Variants in TPD52L2 observed in about 807,000 individuals in gnomAD.
TPD52L2 encodes TPD52 like 2, also known as tumor protein D54.
TPD52L2 carries 19 observed loss-of-function variants against 24.7 expected under a neutral mutation model. That is an observed-to-expected ratio of 0.77 (90% CI 0.54 to 1.13). The LOEUF is 1.13. TPD52L2 is among the 50% of genes most tolerant of loss of function. The pLI, the probability that TPD52L2 is intolerant of heterozygous loss-of-function variation, is 0.00. For missense variants in TPD52L2, 236 were observed against 250.4 expected, an observed-to-expected ratio of 0.94 and a Z score of 0.39; for synonymous variants, 104 against 100.2, an observed-to-expected ratio of 1.04 and a Z score of -0.23.
chr20:63,889,618 A>G (rs1352364334), intron 6 of TPD52L2, among the ~76,000 whole-genome samples: 1 of 152,136 alleles, frequency 6.6e-6, no homozygotes, highest in Non-Finnish European at 1.5e-5. Context: ...CAAGAATGTC[A>G]CGTAAATGGA....
Position 63,874,218 on chromosome 20 carries a change from A to ATTT in TPD52L2, c.314+411_314+413dup, listed in dbSNP as rs532097736. ...AGGCGCCTCCCACCGCGCCCGGCTG[A>ATTT]TTTTTTTTTTTGTGTGTGTGTGTGT... On this transcript the variant is annotated intron_variant, in intron 3 of 6. Coordinates refer to ENST00000346249, the MANE Select transcript of TPD52L2 (RefSeq NM_003288.4). 1.2e-4 allele frequency among the ~76,000 whole-genome samples: 16 copies of ATTT among 133,552 alleles called. 1 individual carries two copies. The highest frequency in any genetic ancestry group is 1.8e-4 in the Non-Finnish European group (11 of 62,648). The allele number at this position is 133,552 out of a possible 152,430, so 87.6% of individuals were successfully genotyped here. A position where few individuals can be genotyped will look rare whatever the true frequency, so the allele number is the denominator to read the frequency against.
chr20:63,881,810 C>G (rs962412580), intron 4 of TPD52L2, among the ~76,000 whole-genome samples: 1 of 152,198 alleles, frequency 6.6e-6, no homozygotes, highest in African/African-American at 2.4e-5. Context: ...TTTGTTATGT[C>G]AGAGTCTGCT....
intron 1 of TPD52L2, among the ~76,000 whole-genome samples, chr20:63,866,648 A>G (rs1482400969): frequency 1.3e-5 from 2 of 149,890 alleles, no homozygotes; most frequent in Non-Finnish European, 3.0e-5. Flanking sequence ...TCTTTAGTAG[A>G]GACGGGGTTT....
At chr20:63,866,354 C>G in intron 1 of TPD52L2, among the ~76,000 whole-genome samples, 1 of 152,202 alleles carries the variant, frequency 6.6e-6, no homozygotes. Context: ...CCGCCCGCCT[C>G]AGCCTCCCAA....
At position 63,890,018 on chromosome 20, in the gene TPD52L2, C is replaced by T. The variant is rs768981061; in HGVS notation, c.*73C>T. Reference sequence around the variant, plus strand: ...GCATCACAGCCGCAGCTCTGTTCAGCGGAGCAGCCAGCCAGGGCGGATGAG... The same window carrying T: ...GCATCACAGCCGCAGCTCTGTTCAGTGGAGCAGCCAGCCAGGGCGGATGAG... On this transcript the variant is annotated 3_prime_UTR_variant, in exon 7 of 7. Coordinates refer to ENST00000346249, the MANE Select transcript of TPD52L2 (RefSeq NM_003288.4). The T allele has an allele frequency of 1.6e-5, 26 of 1,598,082 alleles. No individual in the cohort carries two copies. In the Admixed American group the frequency reaches 1.9e-4, roughly 12 times the overall value.
chr20:63,883,773 T>C (rs1295529232), intron 5 of TPD52L2, among the ~76,000 whole-genome samples: 5 of 139,328 alleles, frequency 3.6e-5, no homozygotes, highest in South Asian at 5.3e-4. Context: ...TCTTCCCCTC[T>C]TGTGGCCCCT....
At position 63,877,524 on chromosome 20, in the gene TPD52L2, G is replaced by A. The variant is rs573232332; in HGVS notation, c.374+1649G>A. On this transcript the variant is annotated intron_variant, in intron 4 of 6. Coordinates refer to ENST00000346249, the MANE Select transcript of TPD52L2 (RefSeq NM_003288.4). The surrounding 1 kb of genome is among the most constrained non-coding windows in gnomAD (Gnocchi z 4.1). ...GGCTGTTGAACAGTGACTTTGCTGG[G>A]CAGCAGATGGTTCCTAGGTTGGGAC... Among the ~76,000 whole-genome samples the A allele has an allele frequency of 2.1e-4, 32 of 152,330 alleles. 1 individual carries two copies. In the East Asian group the frequency reaches 6.0e-3, roughly 28 times the overall value.
intron 5 of TPD52L2, among the ~76,000 whole-genome samples, chr20:63,883,208 T>C (rs1460528986): frequency 6.6e-6 from 1 of 152,104 alleles, no homozygotes; most frequent in Non-Finnish European, 1.5e-5. Context: ...GGGCTCGGCG[T>C]GGTACTTCCT....
At position 63,877,260 on chromosome 20, in the gene TPD52L2, C is replaced by T. The variant is rs6090014; in HGVS notation, c.374+1385C>T. On this transcript the variant is annotated intron_variant, in intron 4 of 6. Coordinates refer to ENST00000346249, the MANE Select transcript of TPD52L2 (RefSeq NM_003288.4). This position sits in a 1 kb window ranked among gnomAD's most constrained non-coding sequence, Gnocchi z 4.1. The stretch of plus-strand genomic sequence containing the variant: ...CAGGATGGTCTCAATCTCCTGACCT[C>T]GTGATCCGCCTGCCTCAGCCTCCCA... 3.7e-3 allele frequency: 1,161 copies of T among 315,412 alleles called. 17 individuals carry two copies. Among genetic ancestry groups the T allele is most frequent in the African/African-American group, 0.024 (1,097 of 45,252 alleles). The allele number at this position is 315,412 out of a possible 1,614,324, so 19.5% of individuals were successfully genotyped here.
intron 6 of TPD52L2, 30 bp downstream of exon 6, chr20:63,889,268 T>TG: frequency 6.3e-7 from 1 of 1,596,628 alleles, no homozygotes; most frequent in Non-Finnish European, 8.6e-7. Context: ...TTGATGGTCT[T>TG]GGCAAGGTGT....
At chr20:63,872,110 T>C (rs2052490682) in intron 2 of TPD52L2, among the ~76,000 whole-genome samples, 1 of 151,894 alleles carries the variant, frequency 6.6e-6, no homozygotes, top group African/African-American at 2.4e-5. Context: ...ATCTTTCTGT[T>C]GCTCAGTTCT....
Position 63,890,357 on chromosome 20 carries a change from A to G in TPD52L2, c.*412A>G. 4.4e-6 allele frequency: 1 copy of G among 225,604 alleles called. No individual in the cohort carries two copies. 14.0% of individuals were successfully genotyped at this position (225,604 alleles called of 1,614,324 possible). ...TCCTCCTCCTCCTTCCCTGACTCAC[A>G]GAAGGAATGCAATCACCCAGCAAGT... is the stretch of plus-strand genomic sequence containing the variant. On this transcript the variant is annotated 3_prime_UTR_variant, in exon 7 of 7. Transcript: ENST00000346249.
At chr20:63,881,661 G>C (rs543847775) in intron 4 of TPD52L2, among the ~76,000 whole-genome samples, 1 of 152,346 alleles carries the variant, frequency 6.6e-6, no homozygotes, top group African/African-American at 2.4e-5. Context: ...CTCAGGGCTT[G>C]GCTGGGTTTG....
At chr20:63,869,912 C>T (rs2052396447) in intron 2 of TPD52L2, among the ~76,000 whole-genome samples, 1 of 152,170 alleles carries the variant, frequency 6.6e-6, no homozygotes. Flanking sequence ...GTGGGAAGAT[C>T]ACTTGAGCCC....
At chr20:63,875,222 GATGACGACGTGGTCCTAC>G (rs1313649994) in intron 3 of TPD52L2, among the ~76,000 whole-genome samples, 7 of 151,272 alleles carry the variant, frequency 4.6e-5, no homozygotes, top group African/African-American at 1.5e-4. Flanking sequence ...GACCCTCCCC[GATGACGACGTGGTCCTAC>G]ATGACGACGT....
intron 3 of TPD52L2, among the ~76,000 whole-genome samples, chr20:63,875,287 C>T (rs530081848): frequency 6.6e-6 from 1 of 152,200 alleles, no homozygotes; most frequent in African/African-American, 2.4e-5. Flanking sequence ...CCAGATGTCG[C>T]TCAGCTCTGA....
intron 2 of TPD52L2, among the ~76,000 whole-genome samples, chr20:63,870,983 T>G (rs2052441906): frequency 6.6e-6 from 1 of 151,898 alleles, no homozygotes; most frequent in African/African-American, 2.4e-5. Context: ...CCCAGAGTGC[T>G]GGGATTACAG....
intron 4 of TPD52L2, among the ~76,000 whole-genome samples, chr20:63,881,073 C>A (rs1451831923): frequency 6.6e-6 from 1 of 151,836 alleles, no homozygotes; most frequent in Non-Finnish European, 1.5e-5. Flanking sequence ...CACCTGTCAT[C>A]CGAGCGGGCT....
Position 63,889,255 on chromosome 20 carries a change from T to C in TPD52L2, c.525+17T>C, listed in dbSNP as rs377525344. 7 of 1,609,576 alleles carry C rather than the reference T, an allele frequency of 4.3e-6. No homozygotes were observed. The highest frequency in any genetic ancestry group is 5.9e-6 in the Non-Finnish European group (7 of 1,176,946). ...ACCATAAAGGTAATTGTACCTGGAC[T>C]GTTTGATGGTCTTGGCAAGGTGTGA... On this transcript the variant is annotated intron_variant, in intron 6 of 6. Coordinates refer to ENST00000346249, the MANE Select transcript of TPD52L2 (RefSeq NM_003288.4).
Sources: allele counts gnomAD v4.1 joint callset (sites outside exome capture counted in the v4.1 genomes callset), GRCh38; gene constraint gnomAD v4.1.1; non-coding constraint Gnocchi (gnomAD v3.1); transcripts MANE v1.5; gene names NCBI Gene and HGNC (gene_info 2026-07-23, HGNC 2026-07-21).